The following VAV2 variants were observed in gnomAD, a reference collection of about 807,000 sequenced individuals.
VAV2 encodes the protein guanine nucleotide exchange factor VAV2.
A neutral mutation model predicts 132.5 loss-of-function variants in VAV2; 67 were observed. The ratio of observed to expected loss-of-function variants is 0.51; its 90% CI spans 0.42 to 0.62. The LOEUF is 0.62. VAV2 is among the 20% of genes least tolerant of loss of function. VAV2 has a pLI of 0.00. For missense variants in VAV2, 938 were observed against 1,153.6 expected (o/e 0.81, Z 2.71); for synonymous variants, 492 against 443.5 (o/e 1.11, Z -1.37).
At chr9:133,922,851 A>G (rs2106225) in intron 2 of VAV2, among the ~76,000 whole-genome samples, 16,293 of 152,226 alleles carry the variant, frequency 0.11, 1,927 homozygotes, top group African/African-American at 0.29. Flanking sequence ...CAGACAAATG[A>G]GACTACATCA....
chr9:133,834,200 C>T lies in VAV2; in HGVS notation c.449+72G>A, dbSNP rs1836370920. 1 of 1,522,626 alleles carries T rather than the reference C, an allele frequency of 6.6e-7. No homozygotes were observed. The allele number at this position is 1,522,626 out of a possible 1,614,324, so 94.3% of individuals were successfully genotyped here. A position where few individuals can be genotyped will look rare whatever the true frequency, so the allele number is the denominator to read the frequency against. ...CTGTGGCCGCCATGTTTCCTCCTGA[C>T]TCCCTGGACACCACCAGGAACCTCC... On this transcript the variant is annotated intron_variant, in intron 4 of 29. Coordinates refer to ENST00000371850, the MANE Select transcript of VAV2 (RefSeq NM_001134398.2). The surrounding 1 kb of genome is among the most constrained non-coding windows in gnomAD (Gnocchi z 5.9).
At position 133,834,429 on chromosome 9, in the gene VAV2, G is replaced by T; in HGVS notation, c.381-89C>A. 1 of 1,391,200 alleles carries T rather than the reference G, an allele frequency of 7.2e-7. No individual in the cohort carries two copies. The allele number at this position is 1,391,200 out of a possible 1,614,324, so 86.2% of individuals were successfully genotyped here. A position where few individuals can be genotyped will look rare whatever the true frequency, so the allele number is the denominator to read the frequency against. ...GCTGGACCCCACAGCAGAGCCCAGT[G>T]TGGCCCAGCCAGGAGCAAAGGGGCT... On this transcript the variant is annotated intron_variant, in intron 3 of 29. Coordinates refer to ENST00000371850, the MANE Select transcript of VAV2 (RefSeq NM_001134398.2). This position sits in a 1 kb window ranked among gnomAD's most constrained non-coding sequence, Gnocchi z 5.9.
chr9:133,939,296 A>G (rs1207453635), intron 1 of VAV2, 77 bp from the exon 2 acceptor site: 2 of 1,290,772 alleles, frequency 1.5e-6, no homozygotes, highest in Admixed American at 1.7e-5. Context: ...TAACAGCAAC[A>G]GCAGCAAGCT....
intron 4 of VAV2, among the ~76,000 whole-genome samples, chr9:133,813,975 G>A (rs1203818501): frequency 2.6e-5 from 4 of 152,202 alleles, no homozygotes; most frequent in Non-Finnish European, 5.9e-5. Flanking sequence ...AAGGGGCAGG[G>A]CTGTGGCCCT....
intron 9 of VAV2, among the ~76,000 whole-genome samples, chr9:133,798,783 G>C (rs1834820366): frequency 6.6e-6 from 1 of 152,210 alleles, no homozygotes; most frequent in Non-Finnish European, 1.5e-5. Flanking sequence ...TAAAGATGGG[G>C]GTGATTAGCC....
intron 4 of VAV2, among the ~76,000 whole-genome samples, chr9:133,832,392 G>A (rs1050674399): frequency 6.6e-6 from 1 of 152,162 alleles, no homozygotes; most frequent in African/African-American, 2.4e-5. Context: ...AGACTCTGCT[G>A]GGGGTTGGGG....
Position 133,928,782 on chromosome 9 carries a change from G to T in VAV2, c.321+10321C>A, listed in dbSNP as rs1450604410. On this transcript the variant is annotated intron_variant, in intron 2 of 29. Transcript: ENST00000371850. The surrounding 1 kb of genome is among the most constrained non-coding windows in gnomAD (Gnocchi z 5.4). ...TGTAAAATGGAGAAATCAATGACAT[G>T]GCTGAGACGGCATCTGGATACACTT... 1.3e-5 allele frequency among the ~76,000 whole-genome samples: 2 copies of T among 152,184 alleles called. No homozygotes were observed. Among genetic ancestry groups the T allele is most frequent in the Non-Finnish European group, 2.9e-5 (2 of 68,036 alleles).
At chr9:133,916,537 T>C (rs756190673) in intron 2 of VAV2, among the ~76,000 whole-genome samples, 1 of 151,486 alleles carries the variant, frequency 6.6e-6, no homozygotes, top group Non-Finnish European at 1.5e-5. Flanking sequence ...AGTTTGAGGA[T>C]GTGGGGCTGG....
chr9:133,978,001 C>T (rs1397028438), intron 1 of VAV2, among the ~76,000 whole-genome samples: 1 of 125,082 alleles, frequency 8.0e-6, no homozygotes, highest in Non-Finnish European at 1.7e-5. Context: ...GGGCACGCAG[C>T]TCCCACGCCC....
At position 133,788,384 on chromosome 9, in the gene VAV2, G is replaced by A. The variant is rs1486130935; in HGVS notation, c.1377C>T (p.Asp459=). ...IIELLFHKMT[D]DPMNNKDVKK... ...TGACGTCCTTGTTGTTCATGGGGTC[G>A]TCGGTCATCTTGTGGAACAGCAGCT... Residue 459 remains aspartate (D), a synonymous_variant, in exon 15 of 30, where the codon GAC becomes GAT. Transcript: ENST00000371850. This position sits in a 1 kb window ranked among gnomAD's most constrained non-coding sequence, Gnocchi z 5.3. The A allele has an allele frequency of 6.8e-6, 11 of 1,611,006 alleles. No homozygotes were observed. The highest frequency in any genetic ancestry group is 4.5e-5 in the East Asian group (2 of 44,740).
intron 1 of VAV2, among the ~76,000 whole-genome samples, chr9:133,983,168 C>G (rs1446612835): frequency 6.6e-6 from 1 of 152,186 alleles, no homozygotes; most frequent in Non-Finnish European, 1.5e-5. Context: ...ACTGGCCCCA[C>G]CAGGTTGCCA....
rs1842120679 is a variant in VAV2 at position 133,965,681 on chromosome 9, T to G, written c.204+26394A>C. 2.6e-5 allele frequency among the ~76,000 whole-genome samples: 4 copies of G among 152,250 alleles called. No homozygotes were observed. In the South Asian group the frequency reaches 8.3e-4, roughly 32 times the overall value. Reference sequence around the variant, plus strand: ...ATCCCATGTTCATGCATTCGAAGAATTAATAATTTGAAAATGACCACACTA... The same window carrying G: ...ATCCCATGTTCATGCATTCGAAGAAGTAATAATTTGAAAATGACCACACTA... On this transcript the variant is annotated intron_variant, in intron 1 of 29. Transcript: ENST00000371850.
chr9:133,986,710 CA>C (rs1037225617), intron 1 of VAV2, among the ~76,000 whole-genome samples: 7 of 152,104 alleles, frequency 4.6e-5, no homozygotes, highest in African/African-American at 1.4e-4. Flanking sequence ...CTATCCCCCC[CA>C]AAAAAAGAAA....
At chr9:133,775,157 C>T in intron 24 of VAV2, 106 bp from the exon 25 acceptor site, 3 of 873,110 alleles carry the variant, frequency 3.4e-6, no homozygotes, top group Non-Finnish European at 5.2e-6. Context: ...CTGCAGTCCT[C>T]ATCTGAGAGC....
Position 133,789,279 on chromosome 9 carries a change from A to C in VAV2, c.1253T>G (p.Val418Gly). 1.9e-6 allele frequency: 3 copies of C among 1,614,084 alleles called. No homozygotes were observed. Among genetic ancestry groups the C allele is most frequent in the Non-Finnish European group, 2.5e-6 (3 of 1,180,020 alleles). ...IDGELKVRSI[V>G]NHTKQDRYLF... ...TCACCTGTCCTGCTTGGTGTGGTTG[A>C]CTATGGACCGGACTTTCAGTTCCCC... The change falls in exon 14 of 30, where the codon GTC becomes GGC. Residue 418 changes from valine (V) to glycine (G), a missense_variant. Transcript: ENST00000371850.
chr9:133,806,363 C>T (rs1430949351), intron 8 of VAV2, among the ~76,000 whole-genome samples, 182 bp from the exon 9 acceptor site: 4 of 152,164 alleles, frequency 2.6e-5, no homozygotes, highest in African/African-American at 9.7e-5. Flanking sequence ...GGTTCTATGG[C>T]GATGGTGCAA....
At chr9:133,784,118 G>A (rs938294272) in intron 18 of VAV2, among the ~76,000 whole-genome samples, 199 bp downstream of exon 18, 4 of 152,124 alleles carry the variant, frequency 2.6e-5, no homozygotes, top group Non-Finnish European at 4.4e-5. Context: ...GGGCTCAAGC[G>A]ATTCGCCTGC....
rs547477444 is a variant in VAV2, at chr9:133,804,172, C to A, written c.836+1909G>T. Among the ~76,000 whole-genome samples, 1 of 152,312 alleles carries A rather than the reference C, an allele frequency of 6.6e-6. No homozygotes were observed. Among genetic ancestry groups the A allele is most frequent in the East Asian group, 1.9e-4 (1 of 5,184 alleles). On this transcript the variant is annotated intron_variant, in intron 9 of 29. Transcript: ENST00000371850. This position sits in a 1 kb window ranked among gnomAD's most constrained non-coding sequence, Gnocchi z 4.5. ...TCAGGACTCAGCCAGCAAGCAAGAA[C>A]CAGGACCTTGGGGCCGAATCCGAAA...
intron 2 of VAV2, among the ~76,000 whole-genome samples, chr9:133,915,527 C>T (rs1229882912): frequency 6.6e-6 from 1 of 152,212 alleles, no homozygotes; most frequent in Non-Finnish European, 1.5e-5. Context: ...CCTCACTGGG[C>T]CCCTTGTCTC....
Sources: allele counts gnomAD v4.1 joint callset (sites outside exome capture counted in the v4.1 genomes callset), GRCh38; gene constraint gnomAD v4.1.1; non-coding constraint Gnocchi (gnomAD v3.1); transcripts MANE v1.5; gene names NCBI Gene and HGNC (gene_info 2026-07-23, HGNC 2026-07-21).